LAMC1: variants seen among roughly 807,000 people sequenced by gnomAD.
LAMC1 encodes the protein laminin subunit gamma 1.
In LAMC1, 38 loss-of-function variants were observed where a neutral mutation model predicts 173.6. That is an observed-to-expected ratio of 0.22 (90% confidence interval 0.17 to 0.29). The LOEUF (loss-of-function observed/expected upper bound fraction) is 0.29, where lower values mean the gene tolerates loss of function less well. Ranked by LOEUF, LAMC1 falls within the 10% of genes least tolerant of loss-of-function variation. The pLI is 1.00. For synonymous variants in LAMC1, 746 were observed against 749.1 expected (o/e 1.00, Z 0.07); for missense variants, 1,824 against 2,051.8 (o/e 0.89, Z 2.14).
chr1:183,086,281 A>G (rs1029061595), intron 1 of LAMC1, among the ~76,000 whole-genome samples: 25 of 152,346 alleles, frequency 1.6e-4, no homozygotes, highest in African/African-American at 4.3e-4. Context: ...GCATAAGTCA[A>G]TGGGGTCTTT....
At chr1:183,054,631 G>A (rs948543347) in intron 1 of LAMC1, among the ~76,000 whole-genome samples, 1 of 152,154 alleles carries the variant, frequency 6.6e-6, no homozygotes, top group African/African-American at 2.4e-5. Context: ...AACCCACCCC[G>A]TATATTGCAA....
chr1:183,062,348 C>A (rs1045828755), intron 1 of LAMC1, among the ~76,000 whole-genome samples: 1 of 152,032 alleles, frequency 6.6e-6, no homozygotes, highest in African/African-American at 2.4e-5. Context: ...AGTTTCAGGG[C>A]AGCATTTGAT....
intron 26 of LAMC1, among the ~76,000 whole-genome samples, chr1:183,139,856 G>A (rs1418192441): frequency 6.6e-6 from 1 of 152,146 alleles, no homozygotes; most frequent in African/African-American, 2.4e-5. Context: ...CAATAAATGA[G>A]TATGTGTGTC....
chr1:183,142,401 C>T (rs1657138845), intron 27 of LAMC1, 133 bp from the exon 28 acceptor site: 4 of 874,692 alleles, frequency 4.6e-6, no homozygotes, highest in Non-Finnish European at 7.0e-6. Flanking sequence ...CATCAACAAT[C>T]TGCAAGTCAC....
chr1:183,045,756 G>A (rs1020518522), intron 1 of LAMC1, among the ~76,000 whole-genome samples: 4 of 151,990 alleles, frequency 2.6e-5, no homozygotes, highest in East Asian at 1.9e-4. Context: ...CAGAGTGATC[G>A]TGCTAGTTTA....
At chr1:183,077,418 T>C (rs1382174948) in intron 1 of LAMC1, among the ~76,000 whole-genome samples, 1 of 152,116 alleles carries the variant, frequency 6.6e-6, no homozygotes, top group Non-Finnish European at 1.5e-5. Context: ...AACAAATTTT[T>C]AATTTTTCCA....
intron 5 of LAMC1, 115 bp downstream of exon 5, chr1:183,114,834 T>C (rs550253786): frequency 1.0e-6 from 1 of 987,778 alleles, no homozygotes; most frequent in Non-Finnish European, 1.5e-6. Flanking sequence ...TATACATTAT[T>C]GTAACACAGA....
At chr1:183,102,351 C>T (rs563933497) in intron 1 of LAMC1, among the ~76,000 whole-genome samples, 20 of 152,330 alleles carry the variant, frequency 1.3e-4, no homozygotes, top group African/African-American at 4.3e-4. Flanking sequence ...TCTGTGTCTT[C>T]ACACATTCTG....
rs1656647642 is a variant in LAMC1 at position 183,127,332 on chromosome 1, A to C, written c.3051A>C (p.Glu1017Asp). The C allele has an allele frequency of 5.6e-6, 9 of 1,614,222 alleles. 1 individual carries two copies. Among genetic ancestry groups the C allele is most frequent in the Non-Finnish European group, 7.6e-6 (9 of 1,180,040 alleles). The change falls in exon 17 of 28, where the codon GAA (glutamate) becomes GAC (aspartate). Residue 1017 changes from glutamate to aspartate, a missense_variant. Transcript: ENST00000258341. ...FVGNRCDQCEENYFYNRSWPG... is the reference protein window; with the variant it reads ...FVGNRCDQCEDNYFYNRSWPG... ...GAAATCGCTGTGACCAGTGTGAAGAAAACTATTTCTACAATCGGTCTTGGC... is the reference window on the plus strand; with the variant it reads ...GAAATCGCTGTGACCAGTGTGAAGACAACTATTTCTACAATCGGTCTTGGC...
rs912956192 is a variant in LAMC1, at chr1:183,138,001, G to A, written c.4473+174G>A. ...AGAAGACAAAGAATTTGGATCTTCT[G>A]CCAGGTAATTTTGTTGCACAATTGT... On this transcript the variant is annotated intron_variant, in intron 26 of 27. Transcript: ENST00000258341. 5 of 608,886 alleles carry A rather than the reference G, an allele frequency of 8.2e-6. No homozygotes were observed. The African/African-American group carries it at 9.6e-5, about 12-fold the overall frequency. The allele number at this position is 608,886 out of a possible 1,614,324, so 37.7% of individuals were successfully genotyped here.
chr1:183,122,683 G>A (rs1656509679), intron 13 of LAMC1, among the ~76,000 whole-genome samples: 1 of 152,110 alleles, frequency 6.6e-6, no homozygotes, highest in Non-Finnish European at 1.5e-5. Flanking sequence ...AGACCTGCAT[G>A]CACTACATCA....
chr1:183,023,965 C>T lies in LAMC1; in HGVS notation c.249C>T (p.Thr83=). ...PEEYCVQTGV[T]GVTKSCHLCD... is the part of the protein sequence containing the mutation. ...AATACTGTGTGCAGACCGGGGTGAC[C>T]GGGGTCACCAAGTCCTGTCACCTGT... Residue 83 remains threonine (T), a synonymous_variant, in exon 1 of 28, where the codon ACC becomes ACT. Transcript: ENST00000258341. 4 of 1,613,236 alleles carry T rather than the reference C, an allele frequency of 2.5e-6. No individual in the cohort carries two copies. Among genetic ancestry groups the T allele is most frequent in the Middle Eastern group, 1.6e-4 (1 of 6,062 alleles).
rs960101152 is a variant in LAMC1 at position 183,029,322 on chromosome 1, A to G, written c.418+5188A>G. Among the ~76,000 whole-genome samples the G allele has an allele frequency of 2.4e-4, 37 of 152,014 alleles. 1 individual carries two copies. The highest frequency in any genetic ancestry group is 1.0e-4 in the Non-Finnish European group (7 of 68,008). ...GTTCCTTACTGTAAGTTCCCATTGCATTTCACCTGGATTGTTGCCACAGCC... is the reference window on the plus strand; with the variant it reads ...GTTCCTTACTGTAAGTTCCCATTGCGTTTCACCTGGATTGTTGCCACAGCC... On this transcript the variant is annotated intron_variant, in intron 1 of 27. Transcript: ENST00000258341.
At chr1:183,061,882 A>T (rs1654752963) in intron 1 of LAMC1, among the ~76,000 whole-genome samples, 1 of 152,238 alleles carries the variant, frequency 6.6e-6, no homozygotes. Flanking sequence ...AAATATTAAT[A>T]ATCTAGTAAG....
At chr1:183,132,866 TAAG>T (rs1379432996) in intron 21 of LAMC1, among the ~76,000 whole-genome samples, 1 of 152,176 alleles carries the variant, frequency 6.6e-6, no homozygotes, top group Non-Finnish European at 1.5e-5. Flanking sequence ...GTGTCTGAAA[TAAG>T]AAAGTATATG....
At chr1:183,075,143 G>GTTT (rs1655093783) in intron 1 of LAMC1, among the ~76,000 whole-genome samples, 1 of 131,758 alleles carries the variant, frequency 7.6e-6, no homozygotes. Context: ...TTTTTTTTTC[G>GTTT]AGACAGGGTG....
intron 11 of LAMC1, 69 bp downstream of exon 11, chr1:183,118,215 A>T: frequency 1.1e-6 from 1 of 900,600 alleles, no homozygotes; most frequent in Non-Finnish European, 1.8e-6. Context: ...ATGATAATGC[A>T]AAAGTTTCTC....
intron 3 of LAMC1, 22 bp from the exon 4 acceptor site, chr1:183,110,466 G>A: frequency 6.4e-7 from 1 of 1,570,806 alleles, no homozygotes; most frequent in Non-Finnish European, 8.7e-7. Flanking sequence ...TCCATTTTTT[G>A]GAGTATCTCT....
rs1407023854 is a variant in LAMC1, at chr1:183,128,689, T to C, written c.3219T>C (p.Asp1073=). The change falls in exon 18 of 28, where the codon GAT becomes GAC. Residue 1073 remains aspartate, a synonymous_variant. Coordinates refer to ENST00000258341, the MANE Select transcript of LAMC1 (RefSeq NM_002293.4). ...TGGTGACAGATCAAGCCTTCGAGGA[T>C]AGACTAAAGGAAGCAGAGAGGGAAG... ...DEMVTDQAFE[D]RLKEAEREVM... is the part of the protein sequence containing the mutation. 5.0e-6 allele frequency: 8 copies of C among 1,613,596 alleles called. No homozygotes were observed. The highest frequency in any genetic ancestry group is 1.3e-5 in the African/African-American group (1 of 74,882).
Sources: allele counts gnomAD v4.1 joint callset (sites outside exome capture counted in the v4.1 genomes callset), GRCh38; gene constraint gnomAD v4.1.1; transcripts MANE v1.5; gene names NCBI Gene and HGNC (gene_info 2026-07-23, HGNC 2026-07-21).